The following PRSS3 variants were observed in gnomAD, a reference collection of about 807,000 sequenced individuals.
PRSS3 encodes serine protease 3.
A neutral mutation model predicts 20.8 loss-of-function variants in PRSS3; 14 were observed. That is an observed-to-expected ratio of 0.67 (90% CI 0.44 to 1.05). PRSS3 has a LOEUF of 1.05. PRSS3 is among the 50% of genes least tolerant of loss of function. PRSS3 has a pLI of 0.00. For synonymous variants in PRSS3, 91 were observed against 117.6 expected (o/e 0.77, Z 1.46); for missense variants, 237 against 306.4 (o/e 0.77, Z 1.69).
At chr9:33,762,083 G>A (rs146054883) in intron 1 of PRSS3, 24 of 152,106 alleles carry the variant, frequency 1.6e-4, no homozygotes, top group African/African-American at 5.5e-4. Flanking sequence ...GTATTTAATT[G>A]GCTCATATGG....
intron 1 of PRSS3, among the ~76,000 whole-genome samples, chr9:33,756,711 A>C (rs1409090295): frequency 1.3e-5 from 2 of 152,158 alleles, no homozygotes; most frequent in African/African-American, 4.8e-5. Flanking sequence ...TGGTCTTCTA[A>C]ATGGTTTTTA....
At chr9:33,797,712 C>T in intron 2 of PRSS3, 117 bp from the exon 3 acceptor site, 6 of 1,589,762 alleles carry the variant, frequency 3.8e-6, no homozygotes, top group Non-Finnish European at 2.6e-6. Flanking sequence ...TGGCCACACA[C>T]CCCACCCCAT....
chr9:33,756,215 A>C (rs1222819815), intron 1 of PRSS3, among the ~76,000 whole-genome samples: 1 of 152,154 alleles, frequency 6.6e-6, no homozygotes, highest in Non-Finnish European at 1.5e-5. Context: ...AATTTTGAAA[A>C]CATTGCTCTA....
intron 4 of PRSS3, 128 bp downstream of exon 4, chr9:33,798,750 A>G: frequency 3.4e-6 from 5 of 1,474,092 alleles, no homozygotes; most frequent in Non-Finnish European, 4.7e-6. Context: ...GAAATGAGGA[A>G]GGTGGCGGGG....
intron 2 of PRSS3, among the ~76,000 whole-genome samples, 179 bp downstream of exon 2, chr9:33,796,981 G>A (rs1204097961): frequency 5.3e-5 from 8 of 152,168 alleles, no homozygotes; most frequent in African/African-American, 1.9e-4. Flanking sequence ...CAAGGGTTGT[G>A]GTCATAAAAG....
chr9:33,794,483 G>T (rs1407746704), upstream of PRSS3, among the ~76,000 whole-genome samples: 2 of 152,168 alleles, frequency 1.3e-5, no homozygotes, highest in Non-Finnish European at 2.9e-5. Context: ...TCTCTGGGAA[G>T]ATTCACTTGA....
chr9:33,757,936 T>A (rs973238303), intron 1 of PRSS3, among the ~76,000 whole-genome samples: 5 of 152,234 alleles, frequency 3.3e-5, no homozygotes, highest in Non-Finnish European at 7.3e-5. Context: ...ACTAGGACTC[T>A]AAGTCGAATT....
intron 1 of PRSS3, chr9:33,786,818 A>G (rs1824432120): frequency 2.7e-6 from 2 of 753,010 alleles, no homozygotes; most frequent in African/African-American, 1.7e-5. Flanking sequence ...ATACCTCTGC[A>G]GCGTTGAAGA....
At position 33,775,778 on chromosome 9, in the gene PRSS3, C is replaced by T. The variant is rs559304520; in HGVS notation, c.-52-18968C>T. Reference sequence around the variant, plus strand: ...AGTGCAGTGGCACGATCTCAGTTCACTGCAACTTCCGCCTCCTGGGTTCAA... The same window carrying T: ...AGTGCAGTGGCACGATCTCAGTTCATTGCAACTTCCGCCTCCTGGGTTCAA... On this transcript the variant is annotated intron_variant, in intron 1 of 5. Coordinates refer to the PRSS3 transcript ENST00000342836. 2.0e-5 allele frequency among the ~76,000 whole-genome samples: 3 copies of T among 149,536 alleles called. No individual in the cohort carries two copies. In the East Asian group the frequency reaches 6.1e-4, roughly 30 times the overall value.
chr9:33,779,870 A>T (rs1824106932), intron 1 of PRSS3, among the ~76,000 whole-genome samples: 1 of 103,892 alleles, frequency 9.6e-6, no homozygotes, highest in Non-Finnish European at 2.2e-5. Flanking sequence ...CTCTGTCTAA[A>T]AAAAAAAAAA....
chr9:33,798,909 T>G, intron 4 of PRSS3, 119 bp from the exon 5 acceptor site: 1 of 1,355,058 alleles, frequency 7.4e-7, no homozygotes, highest in East Asian at 2.3e-5. Context: ...TGGGCCACCG[T>G]GGGAAGGACG....
intron 1 of PRSS3, among the ~76,000 whole-genome samples, chr9:33,753,910 G>C (rs2118712500): frequency 6.6e-6 from 1 of 152,314 alleles, no homozygotes; most frequent in Non-Finnish European, 1.5e-5. Context: ...ACTCATCTGA[G>C]ACAGGTTCCT....
intron 1 of PRSS3, among the ~76,000 whole-genome samples, chr9:33,778,013 A>G (rs1824016600): frequency 6.7e-6 from 1 of 149,918 alleles, no homozygotes; most frequent in Non-Finnish European, 1.5e-5. Context: ...ATATTTAAAT[A>G]GAGTCTATTC....
rs1563969276 is a variant in PRSS3, at chr9:33,796,681, G to T, written c.79G>T (p.Gly27Cys). ...PFDDDDKIVG[G>C]YTCEENSLPY... ...TGACGATGATGACAAGATTGTTGGG[G>T]GCTACACCTGTGAGGAGAATTCTCT... Residue 27 changes from glycine to cysteine, a missense_variant, in exon 2 of 5, where the codon GGC (glycine) becomes TGC (cysteine). Transcript: ENST00000379405. 3 of 1,612,292 alleles carry T rather than the reference G, an allele frequency of 1.9e-6. No individual in the cohort carries two copies. The highest frequency in any genetic ancestry group is 2.5e-6 in the Non-Finnish European group (3 of 1,179,182).
upstream of PRSS3, chr9:33,793,610 C>T: frequency 8.5e-6 from 7 of 826,296 alleles, no homozygotes; most frequent in Non-Finnish European, 1.0e-5. Context: ...ATCAGATGCA[C>T]AGTTTGTCCT....
chr9:33,763,917 A>G (rs557782055), intron 1 of PRSS3, among the ~76,000 whole-genome samples: 3 of 152,104 alleles, frequency 2.0e-5, no homozygotes, highest in South Asian at 2.1e-4. Context: ...TCTTTCTCCT[A>G]TTTCCTCCAG....
At chr9:33,777,091 A>G (rs565229267) in intron 1 of PRSS3, among the ~76,000 whole-genome samples, 12 of 152,302 alleles carry the variant, frequency 7.9e-5, no homozygotes, top group East Asian at 5.8e-4. Flanking sequence ...ATGAATAATG[A>G]TAATTTTTCC....
chr9:33,754,560 T>C (rs894727967), intron 1 of PRSS3, among the ~76,000 whole-genome samples: 15 of 152,016 alleles, frequency 9.9e-5, no homozygotes, highest in African/African-American at 2.9e-4. Flanking sequence ...CCAGGCACAG[T>C]GGCTCACGCC....
chr9:33,750,735 G>C lies in PRSS3; in HGVS notation c.-53+8G>C, dbSNP rs1822647516. 7.0e-7 allele frequency: 1 copy of C among 1,431,086 alleles called. No individual in the cohort carries two copies. The highest frequency in any genetic ancestry group is 1.5e-5 in the African/African-American group (1 of 66,824). 88.6% of individuals were successfully genotyped at this position (1,431,086 alleles called of 1,614,324 possible). The stretch of plus-strand genomic sequence containing the variant: ...GCGAGGCGCTGGGCACAGGTCAGAC[G>C]TCAGTACCCGCAGGGGGCTTGAAAC... On this transcript the variant is annotated splice_region_variant and intron_variant, in intron 1 of 5. Coordinates refer to the PRSS3 transcript ENST00000342836. This position sits in a 1 kb window ranked among gnomAD's most constrained non-coding sequence, Gnocchi z 4.8.
Sources: gnomAD v4.1 joint callset for allele counts (sites outside exome capture counted in the v4.1 genomes callset) on GRCh38, gnomAD v4.1.1 for gene constraint, Gnocchi (gnomAD v3.1) non-coding constraint, MANE v1.5 for transcripts, NCBI Gene and HGNC (gene_info 2026-07-23, HGNC 2026-07-21) for gene names.